The following TRERF1 variants were observed in gnomAD, a reference collection of about 807,000 sequenced individuals.
The protein encoded by TRERF1 is transcriptional-regulating factor 1.
In TRERF1, 27 loss-of-function variants were observed where a neutral mutation model predicts 122.9. The ratio of observed to expected loss-of-function variants is 0.22; its 90% CI spans 0.16 to 0.30. The LOEUF is 0.30. TRERF1 is among the 10% of genes least tolerant of loss of function. The pLI, the probability that TRERF1 is intolerant of heterozygous loss-of-function variation, is 1.00. For synonymous variants in TRERF1, 636 were observed against 641.7 expected, an observed-to-expected ratio of 0.99 and a Z score of 0.13; for missense variants, 1,248 against 1,560.3, an observed-to-expected ratio of 0.80 and a Z score of 3.37.
At chr6:42,403,054 A>G (rs185976829) in intron 2 of TRERF1, among the ~76,000 whole-genome samples, 6 of 152,208 alleles carry the variant, frequency 3.9e-5, no homozygotes, top group Non-Finnish European at 7.4e-5. Context: ...GACAATAAAG[A>G]AAGTATTGGG....
intron 3 of TRERF1, among the ~76,000 whole-genome samples, chr6:42,307,903 T>C (rs969144132): frequency 2.8e-4 from 43 of 152,288 alleles, no homozygotes; most frequent in African/African-American, 9.9e-4. Flanking sequence ...TCCTGGGAAC[T>C]TGTGAAGAAT....
At chr6:42,311,216 T>G (rs946067873) in intron 3 of TRERF1, among the ~76,000 whole-genome samples, 1 of 152,010 alleles carries the variant, frequency 6.6e-6, no homozygotes, top group African/African-American at 2.4e-5. Flanking sequence ...GTATGATGAA[T>G]GTTATGAAGG....
chr6:42,294,345 A>AT (rs200943781), intron 4 of TRERF1, among the ~76,000 whole-genome samples: 2 of 150,448 alleles, frequency 1.3e-5, no homozygotes, highest in African/African-American at 4.9e-5. Flanking sequence ...CGCCCGGCTA[A>AT]TTTTTTTTTG....
At chr6:42,288,953 CTGTGTG>C (rs3074800) in intron 4 of TRERF1, among the ~76,000 whole-genome samples, 27,387 of 144,174 alleles carry the variant, frequency 0.19, 2,679 homozygotes, top group Admixed American at 0.26. Flanking sequence ...ATCTTGAACT[CTGTGTG>C]TGTGTGTGTG....
intron 2 of TRERF1, among the ~76,000 whole-genome samples, chr6:42,412,491 G>A (rs1781259239): frequency 6.6e-6 from 1 of 152,210 alleles, no homozygotes; most frequent in Non-Finnish European, 1.5e-5. Context: ...AAAACCAGGA[G>A]TTTGGTGTGC....
In TRERF1 at chr6:42,236,396, C is replaced by T. The variant is rs1477797827; in HGVS notation, c.2875G>A (p.Glu959Lys). The T allele has an allele frequency of 2.6e-6, 4 of 1,555,052 alleles. No homozygotes were observed. The East Asian group carries it at 7.2e-5, about 28-fold the overall frequency. The stretch of plus-strand genomic sequence containing the variant: ...TCCTCCTCCTCCTCCTCTAACTCTT[C>T]TTCTTCTTCACTTGTCTAGTGTTAA... The change falls in exon 16 of 18, where the codon GAA (glutamate) becomes AAA (lysine). Residue 959 changes from glutamate (E) to lysine (K), a missense_variant. Transcript: ENST00000372922.
At chr6:42,343,347 C>T (rs1227659842) in intron 3 of TRERF1, among the ~76,000 whole-genome samples, 1 of 152,164 alleles carries the variant, frequency 6.6e-6, no homozygotes, top group Non-Finnish European at 1.5e-5. Flanking sequence ...CAGGTCAGCC[C>T]ACAAAAGCCT....
At chr6:42,448,356 C>T (rs1360706708) in intron 2 of TRERF1, among the ~76,000 whole-genome samples, 1 of 152,208 alleles carries the variant, frequency 6.6e-6, no homozygotes, top group African/African-American at 2.4e-5. Flanking sequence ...AGGATATGTA[C>T]ATGCTGCACT....
At chr6:42,290,637 T>A (rs927047319) in intron 4 of TRERF1, among the ~76,000 whole-genome samples, 2 of 149,954 alleles carry the variant, frequency 1.3e-5, no homozygotes, top group African/African-American at 4.9e-5. Flanking sequence ...TCATTTTTTT[T>A]AATTAAAAAA....
chr6:42,248,908 G>T (rs1775262533), intron 13 of TRERF1, among the ~76,000 whole-genome samples: 1 of 152,118 alleles, frequency 6.6e-6, no homozygotes, highest in African/African-American at 2.4e-5. Flanking sequence ...CAAAGCCTTG[G>T]GGTCCCCTTA....
intron 3 of TRERF1, among the ~76,000 whole-genome samples, chr6:42,341,476 T>G (rs1181496093): frequency 6.6e-6 from 1 of 152,230 alleles, no homozygotes; most frequent in Non-Finnish European, 1.5e-5. Flanking sequence ...GATCTGTTCA[T>G]GGGTCTGCCC....
At chr6:42,426,422 G>A (rs1203721060) in intron 2 of TRERF1, among the ~76,000 whole-genome samples, 1 of 152,056 alleles carries the variant, frequency 6.6e-6, no homozygotes, top group Non-Finnish European at 1.5e-5. Context: ...AATAGAAATG[G>A]GTGTTCACTA....
intron 2 of TRERF1, among the ~76,000 whole-genome samples, chr6:42,445,101 T>C: frequency 6.6e-6 from 1 of 151,898 alleles, no homozygotes; most frequent in Non-Finnish European, 1.5e-5. Flanking sequence ...AAACCCCGTC[T>C]CTACTAAAAA....
At chr6:42,246,049 A>G (rs1774747883) in intron 14 of TRERF1, among the ~76,000 whole-genome samples, 1 of 152,238 alleles carries the variant, frequency 6.6e-6, no homozygotes, top group South Asian at 2.1e-4. Flanking sequence ...TGGAGGCTGC[A>G]GTGAGTCAAG....
At chr6:42,266,133 C>T (rs1169577261) in intron 5 of TRERF1, among the ~76,000 whole-genome samples, 7 of 151,704 alleles carry the variant, frequency 4.6e-5, no homozygotes, top group African/African-American at 1.7e-4. Context: ...ATAAGGGACA[C>T]AGAAGAAAGA....
intron 14 of TRERF1, among the ~76,000 whole-genome samples, chr6:42,246,099 C>A (rs566996677): frequency 1.2e-4 from 18 of 152,106 alleles, no homozygotes; most frequent in Non-Finnish European, 2.4e-4. Context: ...GAGAGTGAAA[C>A]TGTCTTGGAA....
intron 8 of TRERF1, among the ~76,000 whole-genome samples, chr6:42,262,681 G>A (rs529122373): frequency 1.3e-5 from 2 of 152,136 alleles, no homozygotes; most frequent in Non-Finnish European, 1.5e-5. Context: ...AGAACAGTGA[G>A]TGAGAAAAAC....
chr6:42,394,031 T>C (rs781739194), intron 2 of TRERF1, among the ~76,000 whole-genome samples: 1 of 152,178 alleles, frequency 6.6e-6, no homozygotes, highest in Non-Finnish European at 1.5e-5. Context: ...TTCCAACTTA[T>C]TTCTGTTAAC....
At chr6:42,284,618 T>C (rs1782865300) in intron 4 of TRERF1, among the ~76,000 whole-genome samples, 1 of 152,226 alleles carries the variant, frequency 6.6e-6, no homozygotes, top group Non-Finnish European at 1.5e-5. Context: ...CAAGGACAAC[T>C]GGCATAAGCA....
Sources: gnomAD v4.1 joint callset for allele counts (sites outside exome capture counted in the v4.1 genomes callset) on GRCh38, gnomAD v4.1.1 for gene constraint, MANE v1.5 for transcripts, NCBI Gene and HGNC (gene_info 2026-07-23, HGNC 2026-07-21) for gene names.